RAP1GAP2: variants seen among roughly 807,000 people sequenced by gnomAD.
RAP1GAP2 encodes the protein rap1 GTPase-activating protein 2.
In RAP1GAP2, 27 loss-of-function variants were observed where a neutral mutation model predicts 95.0. The observed-to-expected ratio is 0.28, with a 90% confidence interval of 0.21 to 0.39. The LOEUF (loss-of-function observed/expected upper bound fraction) is 0.39, where lower values mean the gene tolerates loss of function less well. Among genes scored for constraint, RAP1GAP2 ranks in the 10% least tolerant of loss-of-function variants. RAP1GAP2 has a pLI of 1.00. For synonymous variants in RAP1GAP2, 373 were observed against 380.9 expected (o/e 0.98, Z 0.24); for missense variants, 771 against 970.0 (o/e 0.79, Z 2.72).
intron 3 of RAP1GAP2, among the ~76,000 whole-genome samples, chr17:2,917,315 G>T (rs1193060327): frequency 6.6e-6 from 1 of 152,052 alleles, no homozygotes; most frequent in African/African-American, 2.4e-5. Context: ...TTGTTGCCCA[G>T]GCTGGAGGGC....
At chr17:2,949,123 G>C (rs1425792561) in intron 3 of RAP1GAP2, among the ~76,000 whole-genome samples, 2 of 152,182 alleles carry the variant, frequency 1.3e-5, no homozygotes, top group African/African-American at 4.8e-5. Context: ...GGGCCCAGAC[G>C]GAGTTCCTCA....
At chr17:2,836,407 G>T (rs936235484) in intron 2 of RAP1GAP2, among the ~76,000 whole-genome samples, 18 of 152,086 alleles carry the variant, frequency 1.2e-4, no homozygotes, top group African/African-American at 3.9e-4. Flanking sequence ...CAAGGCAGGC[G>T]GATCACCTGA....
At chr17:3,032,514 A>G in intron 24 of RAP1GAP2, 65 bp downstream of exon 24, 2 of 1,488,350 alleles carry the variant, frequency 1.3e-6, no homozygotes, top group East Asian at 2.3e-5. Context: ...AGATCAGGGA[A>G]CTAGAGGCCT....
intron 2 of RAP1GAP2, among the ~76,000 whole-genome samples, chr17:2,895,250 G>T (rs1683556533): frequency 6.6e-6 from 1 of 152,136 alleles, no homozygotes; most frequent in Non-Finnish European, 1.5e-5. Context: ...GTGCCCTCGG[G>T]GGCCCGCGGG....
intron 2 of RAP1GAP2, among the ~76,000 whole-genome samples, chr17:2,874,398 G>C (rs541796835): frequency 3.1e-4 from 47 of 152,280 alleles, no homozygotes; most frequent in African/African-American, 1.1e-3. Context: ...CCTGTGGAGA[G>C]TTAAGCTTTT....
chr17:3,012,228 G>A (rs1412173845), intron 17 of RAP1GAP2, among the ~76,000 whole-genome samples: 1 of 152,064 alleles, frequency 6.6e-6, no homozygotes, highest in African/African-American at 2.4e-5. Flanking sequence ...AAGCTGAACT[G>A]CTTGGAGATA....
At chr17:2,853,474 C>T (rs1330019406) in intron 2 of RAP1GAP2, among the ~76,000 whole-genome samples, 4 of 150,818 alleles carry the variant, frequency 2.7e-5, no homozygotes, top group African/African-American at 9.7e-5. Flanking sequence ...GAGCTCGGGG[C>T]CGCCGGCGGG....
chr17:2,886,659 A>G (rs1263460767), intron 2 of RAP1GAP2, among the ~76,000 whole-genome samples: 1 of 152,136 alleles, frequency 6.6e-6, no homozygotes, highest in African/African-American at 2.4e-5. Context: ...TTTCCCACGC[A>G]GCTTTGCTTG....
At position 3,005,075 on chromosome 17, in the gene RAP1GAP2, CG is replaced by C. The variant is rs1323212229; in HGVS notation, c.1201-291del. 6.6e-6 allele frequency among the ~76,000 whole-genome samples: 1 copy of C among 152,104 alleles called. No individual in the cohort carries two copies. The highest frequency in any genetic ancestry group is 1.5e-5 in the Non-Finnish European group (1 of 68,020). On this transcript the variant is annotated intron_variant, in intron 14 of 24. Transcript: ENST00000254695. This position sits in a 1 kb window ranked among gnomAD's most constrained non-coding sequence, Gnocchi z 5.2. ...AATGAGGTCACGAGATGCCATCTCC[CG>C]GGCACTTGTATGGCATTAAAATTAG...
chr17:2,764,790 A>G (rs1004461978), intron 1 of RAP1GAP2, among the ~76,000 whole-genome samples: 3 of 152,238 alleles, frequency 2.0e-5, no homozygotes, highest in Non-Finnish European at 4.4e-5. Flanking sequence ...AAAATACAAT[A>G]TAGTCACATG....
Position 2,797,856 on chromosome 17 carries a change from G to T in RAP1GAP2, c.44+1285G>T. 1.1e-6 allele frequency: 1 copy of T among 889,928 alleles called. No individual in the cohort carries two copies. Among genetic ancestry groups the T allele is most frequent in the South Asian group, 5.2e-5 (1 of 19,296 alleles). 55.1% of individuals were successfully genotyped at this position (889,928 alleles called of 1,614,324 possible). ...GAGGGGTGTGTGTGTCTTGGCTGTG[G>T]GCCTTGCAGGGCAGGGCCCAGCAAT... On this transcript the variant is annotated intron_variant, in intron 1 of 24. Coordinates refer to ENST00000254695, the MANE Select transcript of RAP1GAP2 (RefSeq NM_015085.5). The surrounding 1 kb of genome is among the most constrained non-coding windows in gnomAD (Gnocchi z 5.6).
At chr17:2,756,432 G>A (rs942294022) in intron 1 of RAP1GAP2, among the ~76,000 whole-genome samples, 2 of 152,222 alleles carry the variant, frequency 1.3e-5, no homozygotes, top group African/African-American at 4.8e-5. Context: ...GGTTTCAGAC[G>A]CAGCGCTGTC....
chr17:2,893,893 G>A (rs918548488), intron 2 of RAP1GAP2, among the ~76,000 whole-genome samples: 5 of 152,206 alleles, frequency 3.3e-5, no homozygotes, highest in East Asian at 1.9e-4. Context: ...CTTGGCACGC[G>A]CTCTTCCCTG....
rs577493175 is a variant in RAP1GAP2, at chr17:3,031,933, G to T, written c.2185-478G>T. Among the ~76,000 whole-genome samples the T allele has an allele frequency of 3.3e-3, 480 of 146,778 alleles. 2 individuals carry two copies. Among genetic ancestry groups the T allele is most frequent in the Non-Finnish European group, 4.2e-3 (284 of 67,012 alleles). ...TCCTGAGCTCACCAGACTATCGAGA[G>T]CTCCAGGTCCAGATGTGAGGTGGAA... On this transcript the variant is annotated intron_variant, in intron 23 of 24. Transcript: ENST00000254695.
At chr17:2,856,618 G>C (rs1246135450) in intron 2 of RAP1GAP2, among the ~76,000 whole-genome samples, 1 of 152,196 alleles carries the variant, frequency 6.6e-6, no homozygotes, top group Non-Finnish European at 1.5e-5. Context: ...TTGAGCCTGG[G>C]CAGAACTAGT....
chr17:2,883,961 C>T (rs1347988612), intron 2 of RAP1GAP2, among the ~76,000 whole-genome samples: 1 of 152,252 alleles, frequency 6.6e-6, no homozygotes, highest in African/African-American at 2.4e-5. Flanking sequence ...AGACAGGCCC[C>T]TGTGGTTACC....
chr17:2,852,806 G>A (rs1368812500), intron 2 of RAP1GAP2, among the ~76,000 whole-genome samples: 1 of 152,136 alleles, frequency 6.6e-6, no homozygotes, highest in Non-Finnish European at 1.5e-5. Context: ...AGTGGATGAG[G>A]GCGATTGTGA....
intron 11 of RAP1GAP2, among the ~76,000 whole-genome samples, chr17:2,989,290 A>T (rs1055537762): frequency 2.2e-4 from 33 of 152,088 alleles, no homozygotes; most frequent in Admixed American, 1.4e-3. Context: ...ACATCTTTTC[A>T]TGTGCTTATT....
chr17:2,920,441 G>A (rs2042722884), intron 3 of RAP1GAP2, among the ~76,000 whole-genome samples: 1 of 152,082 alleles, frequency 6.6e-6, no homozygotes, highest in Non-Finnish European at 1.5e-5. Flanking sequence ...CCAGAACTTA[G>A]CCCCTGGGTC....
Sources: gnomAD v4.1 joint callset for allele counts (sites outside exome capture counted in the v4.1 genomes callset) on GRCh38, gnomAD v4.1.1 for gene constraint, Gnocchi (gnomAD v3.1) non-coding constraint, MANE v1.5 for transcripts, NCBI Gene and HGNC (gene_info 2026-07-23, HGNC 2026-07-21) for gene names.